NELL1: variants seen among roughly 807,000 people sequenced by gnomAD.
NELL1 encodes protein kinase C-binding protein NELL1.
In NELL1, 76 loss-of-function variants were observed where a neutral mutation model predicts 107.4. That is an observed-to-expected ratio of 0.71 (90% CI 0.59 to 0.86). The LOEUF is 0.86. Ranked by LOEUF, NELL1 falls within the 40% of genes least tolerant of loss-of-function variation. The pLI is 0.00. For missense variants in NELL1, 1,024 were observed against 1,005.5 expected (o/e 1.02, Z -0.25); for synonymous variants, 353 against 341.2 (o/e 1.03, Z -0.38).
chr11:20,817,863 A>T (rs183902333), intron 3 of NELL1, among the ~76,000 whole-genome samples: 7 of 149,820 alleles, frequency 4.7e-5, no homozygotes, highest in Admixed American at 4.0e-4. Flanking sequence ...CCTTGTTTTA[A>T]TTGTTTATTC....
At chr11:21,141,030 T>C (rs1236471460) in intron 13 of NELL1, among the ~76,000 whole-genome samples, 1 of 152,190 alleles carries the variant, frequency 6.6e-6, no homozygotes, top group Non-Finnish European at 1.5e-5. Context: ...TAGCAAGAAA[T>C]GAAGTGCTCT....
chr11:20,876,174 A>T (rs1319589645), intron 4 of NELL1, among the ~76,000 whole-genome samples: 1 of 152,166 alleles, frequency 6.6e-6, no homozygotes, highest in Non-Finnish European at 1.5e-5. Flanking sequence ...CCTTCTTCCC[A>T]TGCTCTATGT....
chr11:21,168,698 G>A lies in NELL1; in HGVS notation c.1426+54984G>A, dbSNP rs575385398. 1.1e-3 allele frequency among the ~76,000 whole-genome samples: 164 copies of A among 151,958 alleles called. 6 individuals are homozygous for A. Among genetic ancestry groups the A allele is most frequent in the African/African-American group, 3.9e-3 (161 of 41,244 alleles). The stretch of plus-strand genomic sequence containing the variant: ...ATCCTCCTAAAATCTCTGAGTTACT[G>A]ATTCAGATTAAACCTATGGCCAGTT... On this transcript the variant is annotated intron_variant, in intron 13 of 19. Transcript: ENST00000357134.
At chr11:20,900,656 G>A (rs149933122) in intron 5 of NELL1, among the ~76,000 whole-genome samples, 22 of 152,092 alleles carry the variant, frequency 1.4e-4, no homozygotes, top group African/African-American at 4.6e-4. Context: ...GACAAGGACC[G>A]TATGAGAAGG....
At chr11:20,691,221 A>G (rs916097864) in intron 2 of NELL1, among the ~76,000 whole-genome samples, 1 of 152,080 alleles carries the variant, frequency 6.6e-6, no homozygotes, top group African/African-American at 2.4e-5. Context: ...CAATCATGTC[A>G]TCTGCAAACA....
chr11:21,431,790 CT>C (rs796091844), intron 15 of NELL1, among the ~76,000 whole-genome samples: 1 of 151,906 alleles, frequency 6.6e-6, no homozygotes, highest in Admixed American at 6.6e-5. Context: ...TGCTTCTACG[CT>C]TTTTTTTATG....
chr11:20,722,071 A>C (rs980617248), intron 2 of NELL1, among the ~76,000 whole-genome samples: 5 of 148,758 alleles, frequency 3.4e-5, no homozygotes, highest in African/African-American at 1.3e-4. Flanking sequence ...CCCAGGCTGG[A>C]ATGCAGTGGT....
At chr11:21,108,958 C>T (rs916458458) in intron 12 of NELL1, among the ~76,000 whole-genome samples, 1 of 152,102 alleles carries the variant, frequency 6.6e-6, no homozygotes, top group African/African-American at 2.4e-5. Context: ...CTACAGCGAA[C>T]ATAATCATAG....
intron 14 of NELL1, among the ~76,000 whole-genome samples, chr11:21,348,041 C>T (rs1329868458): frequency 1.3e-5 from 2 of 152,086 alleles, no homozygotes; most frequent in Admixed American, 6.5e-5. Context: ...AGTGTTGTGA[C>T]CTGATGTGGC....
intron 14 of NELL1, among the ~76,000 whole-genome samples, chr11:21,331,971 G>A (rs1381130279): frequency 2.0e-5 from 3 of 151,922 alleles, no homozygotes; most frequent in Non-Finnish European, 4.4e-5. Context: ...GGCATGTTGA[G>A]GCTTCCTTCT....
chr11:21,390,192 C>G (rs1018930260), intron 15 of NELL1, among the ~76,000 whole-genome samples: 9 of 151,726 alleles, frequency 5.9e-5, no homozygotes, highest in Admixed American at 5.3e-4. Context: ...TTTGGTTATA[C>G]TGGCTTGTAA....
intron 17 of NELL1, among the ~76,000 whole-genome samples, chr11:21,566,536 G>T (rs78983988): frequency 0.043 from 6,523 of 151,762 alleles, 444 homozygotes; most frequent in African/African-American, 0.15. Flanking sequence ...ATTATTAATT[G>T]CTTATCATTG....
chr11:21,004,098 C>G (rs958097312), intron 12 of NELL1, among the ~76,000 whole-genome samples: 5 of 152,146 alleles, frequency 3.3e-5, no homozygotes, highest in Non-Finnish European at 5.9e-5. Flanking sequence ...GATTGTTGTC[C>G]CATCTGTGTT....
At chr11:21,248,778 A>T (rs574729032) in intron 14 of NELL1, among the ~76,000 whole-genome samples, 1 of 152,320 alleles carries the variant, frequency 6.6e-6, no homozygotes, top group South Asian at 2.1e-4. Context: ...TAAGACCATT[A>T]TAACAGTGCA....
intron 2 of NELL1, among the ~76,000 whole-genome samples, chr11:20,697,511 A>T (rs536484330): frequency 2.6e-5 from 4 of 152,114 alleles, no homozygotes; most frequent in African/African-American, 9.6e-5. Flanking sequence ...ATGTAACAAG[A>T]TAGAACAAAG....
chr11:20,689,303 AC>A (rs1283897346), intron 2 of NELL1, among the ~76,000 whole-genome samples: 1 of 151,214 alleles, frequency 6.6e-6, no homozygotes. Flanking sequence ...TTATTATTAT[AC>A]TTTAAGTTTT....
intron 14 of NELL1, among the ~76,000 whole-genome samples, chr11:21,367,878 G>A (rs1851265028): frequency 6.6e-6 from 1 of 152,066 alleles, no homozygotes; most frequent in African/African-American, 2.4e-5. Context: ...CGGTGACCCA[G>A]CTCCTTGTTT....
intron 14 of NELL1, among the ~76,000 whole-genome samples, chr11:21,237,353 T>C (rs2133893637): frequency 6.6e-6 from 1 of 152,236 alleles, no homozygotes; most frequent in East Asian, 1.9e-4. Context: ...ATGATCAACA[T>C]TCCAAGATAT....
At chr11:20,824,470 A>G (rs1028890634) in intron 3 of NELL1, among the ~76,000 whole-genome samples, 1 of 151,234 alleles carries the variant, frequency 6.6e-6, no homozygotes. Flanking sequence ...GGCTCAGAAG[A>G]AGATAGGAAA....
Sources: allele counts gnomAD v4.1 joint callset (sites outside exome capture counted in the v4.1 genomes callset), GRCh38; gene constraint gnomAD v4.1.1; transcripts MANE v1.5; gene names NCBI Gene and HGNC (gene_info 2026-07-23, HGNC 2026-07-21).